The following FAM169A variants were observed in gnomAD, a reference collection of about 807,000 sequenced individuals.
FAM169A encodes the protein family with sequence similarity 169 member A.
FAM169A carries 24 observed loss-of-function variants against 75.7 expected under a neutral mutation model. That is an observed-to-expected ratio of 0.32 (90% CI 0.23 to 0.45). The LOEUF (loss-of-function observed/expected upper bound fraction) is 0.45. FAM169A is among the 20% of genes least tolerant of loss of function. The probability of loss-of-function intolerance (pLI) is 1.00; values close to 1 mark genes in which losing one functional copy is unlikely to be tolerated. For missense variants in FAM169A, 673 were observed against 784.0 expected, an observed-to-expected ratio of 0.86 and a Z score of 1.69; for synonymous variants, 271 against 271.0, an observed-to-expected ratio of 1.00 and a Z score of 0.00.
intron 5 of FAM169A, among the ~76,000 whole-genome samples, chr5:74,821,415 A>G (rs886230830): frequency 2.0e-5 from 3 of 152,180 alleles, no homozygotes; most frequent in African/African-American, 7.2e-5. Context: ...TCCACCCAGG[A>G]ATATGCCTTC....
At chr5:74,839,617 T>C (rs188927095) in intron 3 of FAM169A, among the ~76,000 whole-genome samples, 11 of 151,142 alleles carry the variant, frequency 7.3e-5, no homozygotes, top group Admixed American at 6.6e-4. Flanking sequence ...CTCCACCTCC[T>C]GGGTTCAAGC....
chr5:74,824,724 CACACAT>C (rs1461022618), intron 5 of FAM169A, among the ~76,000 whole-genome samples: 9 of 151,596 alleles, frequency 5.9e-5, no homozygotes, highest in Admixed American at 2.6e-4. Flanking sequence ...CACACACACA[CACACAT>C]ACACACACAC....
Position 74,781,646 on chromosome 5 carries a change from A to G in FAM169A, c.1827T>C (p.Asn609=). ...VPFSQNAGQK[N]QSEEQSEASS... ...ATGCTTCAGACTGCTCCTCTGACTG[A>G]TTCTTCTGTCCTGCATTCTGTGAAA... The change falls in exon 13 of 13, where the codon AAT becomes AAC. Residue 609 remains asparagine, a synonymous_variant. Coordinates refer to ENST00000687041, the MANE Select transcript of FAM169A (RefSeq NM_001376049.1). 1.2e-6 allele frequency: 2 copies of G among 1,614,134 alleles called. No homozygotes were observed. Among genetic ancestry groups the G allele is most frequent in the Non-Finnish European group, 1.7e-6 (2 of 1,180,016 alleles).
Position 74,778,516 on chromosome 5 carries a change from T to A in FAM169A, c.*2944A>T, listed in dbSNP as rs1285453811. The stretch of plus-strand genomic sequence containing the variant: ...TAATGACTAGATGTTTTCCTTACCA[T>A]CTACACTGAATGGAAATACCATGAA... On this transcript the variant is annotated 3_prime_UTR_variant, in exon 13 of 13. Transcript: ENST00000687041. 6.6e-6 allele frequency: 1 copy of A among 152,024 alleles called. No homozygotes were observed. Among genetic ancestry groups the A allele is most frequent in the Non-Finnish European group, 1.5e-5 (1 of 67,900 alleles). 9.4% of individuals were successfully genotyped at this position (152,024 alleles called of 1,614,324 possible).
rs200414695 is a variant in FAM169A, at chr5:74,784,510, C to CAAAAAAAAAAAAAA, written c.1261-1390_1261-1377dup. On this transcript the variant is annotated intron_variant, in intron 11 of 12. Transcript: ENST00000687041. Reference sequence around the variant, plus strand: ...AGGGAGACAGAGCAAGACTCCGTCTCAAAAAAAAAAAAAAAAAAACAAGAA... The same window carrying CAAAAAAAAAAAAAA: ...AGGGAGACAGAGCAAGACTCCGTCTCAAAAAAAAAAAAAAAAAAAAAAAAAAAAAAAAACAAGAA... Among the ~76,000 whole-genome samples, 50 of 29,862 alleles carry CAAAAAAAAAAAAAA rather than the reference C, an allele frequency of 1.7e-3. 7 individuals carry two copies. The highest frequency in any genetic ancestry group is 7.4e-3 in the African/African-American group (36 of 4,894). The allele number at this position is 29,862 out of a possible 152,430, so 19.6% of individuals were successfully genotyped here.
chr5:74,866,866 G>A, upstream of FAM169A: 1 of 985,542 alleles, frequency 1.0e-6, no homozygotes, highest in Middle Eastern at 5.2e-4. Context: ...GGTGCAGAGG[G>A]CACGGGCGAG....
At chr5:74,859,471 G>A (rs1749922357) in intron 1 of FAM169A, among the ~76,000 whole-genome samples, 1 of 151,612 alleles carries the variant, frequency 6.6e-6, no homozygotes, top group African/African-American at 2.4e-5. Flanking sequence ...TGTATTTTTA[G>A]TAGAGACGGG....
intron 5 of FAM169A, among the ~76,000 whole-genome samples, chr5:74,816,326 C>T (rs1747468979): frequency 6.6e-6 from 1 of 152,150 alleles, no homozygotes; most frequent in Admixed American, 6.5e-5. Flanking sequence ...ATGCTTCAGG[C>T]TCCTTACAAA....
At chr5:74,801,835 T>C (rs1746596484) in intron 8 of FAM169A, among the ~76,000 whole-genome samples, 1 of 152,234 alleles carries the variant, frequency 6.6e-6, no homozygotes, top group Non-Finnish European at 1.5e-5. Context: ...TAATATGTCA[T>C]AGTGTGTCCA....
upstream of FAM169A, chr5:74,866,450 G>A: frequency 2.3e-6 from 2 of 884,000 alleles, no homozygotes; most frequent in South Asian, 5.2e-5. Context: ...GAATCCCCCC[G>A]CCCGCCAGCG....
At chr5:74,818,447 T>C (rs370628665) in intron 5 of FAM169A, among the ~76,000 whole-genome samples, 2 of 152,156 alleles carry the variant, frequency 1.3e-5, no homozygotes, top group African/African-American at 2.4e-5. Flanking sequence ...ATAGTGGTGA[T>C]AGCTGTATAA....
rs1296456658 is a variant in FAM169A at position 74,787,889 on chromosome 5, AAAG to A, written c.1261-4758_1261-4756del. Among the ~76,000 whole-genome samples the A allele has an allele frequency of 2.6e-5, 4 of 152,174 alleles. No individual in the cohort carries two copies. In the East Asian group the frequency reaches 5.8e-4, roughly 22 times the overall value. ...AAAGACTAATCTGAATTATTAAAAA[AAAG>A]AGAGAATCACAGCCCCTCAATTTCC... On this transcript the variant is annotated intron_variant, in intron 11 of 12. Coordinates refer to ENST00000687041, the MANE Select transcript of FAM169A (RefSeq NM_001376049.1).
chr5:74,836,854 A>C (rs916324867), intron 4 of FAM169A, among the ~76,000 whole-genome samples: 1 of 152,038 alleles, frequency 6.6e-6, no homozygotes, highest in Admixed American at 6.5e-5. Flanking sequence ...AGGCTAAGGC[A>C]GGAGAATTGC....
intron 1 of FAM169A, among the ~76,000 whole-genome samples, chr5:74,860,231 A>G (rs16872357): frequency 0.024 from 3,652 of 152,352 alleles, 145 homozygotes; most frequent in African/African-American, 0.084. Context: ...GTATCAGAAT[A>G]AATTAATCAG....
Position 74,781,878 on chromosome 5 carries a change from G to C in FAM169A, c.1595C>G (p.Thr532Ser). 1 of 1,614,074 alleles carries C rather than the reference G, an allele frequency of 6.2e-7. No individual in the cohort carries two copies. The highest frequency in any genetic ancestry group is 8.5e-7 in the Non-Finnish European group (1 of 1,179,992). ...ATCAGATCGTTCTTCATTTGACATA[G>C]TAGCAACATTGTCTGAACTCCCAAG... is the stretch of plus-strand genomic sequence containing the variant. The part of the protein sequence containing the change: ...AHLGSSDNVA[T>S]MSNEERSDGG... Residue 532 changes from threonine (T) to serine (S), a missense_variant, in exon 13 of 13, where the codon ACT becomes AGT. Thr to Ser is a moderately conservative substitution (Grantham distance 58). This residue lies in a region of FAM169A where 510 missense variants were observed against 550.9 expected (regional missense o/e 0.93). Coordinates refer to ENST00000687041, the MANE Select transcript of FAM169A (RefSeq NM_001376049.1).
chr5:74,782,091 C>A, intron 12 of FAM169A, 83 bp from the exon 13 acceptor site: 1 of 1,052,132 alleles, frequency 9.5e-7, no homozygotes, highest in Non-Finnish European at 1.4e-6. Flanking sequence ...TGCAGTGACA[C>A]TGAACTAGAA....
In FAM169A at chr5:74,783,033, T is replaced by C. The variant is rs1342631672; in HGVS notation, c.1362A>G (p.Glu454=). ...EEDSTSEVLD[E]ELKLQPFNSS... ...AATTAAAAGGCTGCAATTTTAATTC[T>C]TCATCTAAAACTTCACTAGTGGAGT... The change falls in exon 12 of 13, where the codon GAA becomes GAG. Residue 454 remains glutamate, a synonymous_variant. Coordinates refer to ENST00000687041, the MANE Select transcript of FAM169A (RefSeq NM_001376049.1). 1.2e-6 allele frequency: 2 copies of C among 1,613,738 alleles called. No homozygotes were observed. Among genetic ancestry groups the C allele is most frequent in the Non-Finnish European group, 1.7e-6 (2 of 1,179,636 alleles).
chr5:74,832,455 CTTAT>C (rs1748363584), intron 5 of FAM169A, among the ~76,000 whole-genome samples: 1 of 151,700 alleles, frequency 6.6e-6, no homozygotes, highest in Non-Finnish European at 1.5e-5. Context: ...GCCCCATAAA[CTTAT>C]TTGCTATTTT....
intron 1 of FAM169A, among the ~76,000 whole-genome samples, chr5:74,853,906 C>T (rs1449942428): frequency 6.7e-6 from 1 of 148,196 alleles, no homozygotes; most frequent in Admixed American, 6.7e-5. Context: ...GGTTACTACA[C>T]AATAAAAATG....
Sources: allele counts gnomAD v4.1 joint callset (sites outside exome capture counted in the v4.1 genomes callset), GRCh38; gene constraint gnomAD v4.1.1; regional missense constraint gnomAD v4.1.1; transcripts MANE v1.5; gene names NCBI Gene and HGNC (gene_info 2026-07-23, HGNC 2026-07-21).